Variants in ARHGEF28 observed in about 807,000 individuals in gnomAD.
ARHGEF28 encodes the protein Rho guanine nucleotide exchange factor 28.
In ARHGEF28, 152 loss-of-function variants were observed where a neutral mutation model predicts 206.6. That is an observed-to-expected ratio of 0.74 (90% CI 0.64 to 0.84). ARHGEF28 has a LOEUF of 0.84. Among genes scored for constraint, ARHGEF28 ranks in the 40% least tolerant of loss-of-function variants. The pLI is 0.00. For synonymous variants in ARHGEF28, 763 were observed against 776.4 expected, an observed-to-expected ratio of 0.98 and a Z score of 0.29; for missense variants, 2,028 against 2,073.2, an observed-to-expected ratio of 0.98 and a Z score of 0.42.
chr5:73,662,035 G>A (rs554816334), intron 1 of ARHGEF28, among the ~76,000 whole-genome samples: 1 of 152,288 alleles, frequency 6.6e-6, no homozygotes, highest in East Asian at 1.9e-4. Flanking sequence ...GCAGTAACTT[G>A]AAGCACAACA....
chr5:73,780,658 TTC>T lies in ARHGEF28; in HGVS notation c.841-17_841-16del, dbSNP rs1406356615. 6.5e-7 allele frequency: 1 copy of T among 1,547,290 alleles called. No individual in the cohort carries two copies. Among genetic ancestry groups the T allele is most frequent in the South Asian group, 1.2e-5 (1 of 83,776 alleles). Reference sequence around the variant, plus strand: ...TTTTCTGTGCTTTTTTGTTTTTTTTTTCCCCATTGTTTCCTAGGCCTTTGAGC... The same window carrying T: ...TTTTCTGTGCTTTTTTGTTTTTTTTTCCCATTGTTTCCTAGGCCTTTGAGC... On this transcript the variant is annotated splice_polypyrimidine_tract_variant and intron_variant, in intron 6 of 35. Transcript: ENST00000513042.
chr5:73,828,369 T>C (rs1289139217), intron 9 of ARHGEF28, among the ~76,000 whole-genome samples: 1 of 152,224 alleles, frequency 6.6e-6, no homozygotes, highest in Non-Finnish European at 1.5e-5. Context: ...TATGTATGCC[T>C]CAGAAAAATA....
intron 2 of ARHGEF28, among the ~76,000 whole-genome samples, chr5:73,694,043 C>T (rs1748022618): frequency 6.6e-6 from 1 of 152,202 alleles, no homozygotes; most frequent in South Asian, 2.1e-4. Context: ...GTAGTTCTGG[C>T]AGGAGCAGAG....
At position 73,703,763 on chromosome 5, in the gene ARHGEF28, C is replaced by T. The variant is rs1022581418; in HGVS notation, c.33+18879C>T. 6.6e-5 allele frequency among the ~76,000 whole-genome samples: 10 copies of T among 151,914 alleles called. 1 individual carries two copies. In the South Asian group the frequency reaches 1.7e-3, roughly 25 times the overall value. On this transcript the variant is annotated intron_variant, in intron 2 of 35. Coordinates refer to ENST00000513042, the MANE Select transcript of ARHGEF28 (RefSeq NM_001177693.2). ...GTATAGAAGATAATTTGTGACCAGGCGCAGTGGCTCATGCCTGTAATCCCA... is the reference window on the plus strand; with the variant it reads ...GTATAGAAGATAATTTGTGACCAGGTGCAGTGGCTCATGCCTGTAATCCCA...
chr5:73,881,087 T>C, intron 22 of ARHGEF28, among the ~76,000 whole-genome samples: 1 of 151,948 alleles, frequency 6.6e-6, no homozygotes, highest in East Asian at 1.9e-4. Flanking sequence ...TGCCATTCGT[T>C]GAAAAGGCTA....
At chr5:73,709,529 C>T (rs1749126133) in intron 2 of ARHGEF28, among the ~76,000 whole-genome samples, 1 of 152,164 alleles carries the variant, frequency 6.6e-6, no homozygotes, top group Non-Finnish European at 1.5e-5. Flanking sequence ...AGCAAGGGCC[C>T]TGAGCTTCTA....
chr5:73,922,553 TG>T (rs1763576060), intron 35 of ARHGEF28, among the ~76,000 whole-genome samples: 1 of 152,254 alleles, frequency 6.6e-6, no homozygotes, highest in Non-Finnish European at 1.5e-5. Flanking sequence ...TTAACTATGA[TG>T]GATTTTTTTT....
intron 11 of ARHGEF28, among the ~76,000 whole-genome samples, chr5:73,845,148 G>A (rs1314058468): frequency 1.3e-5 from 2 of 150,846 alleles, no homozygotes; most frequent in African/African-American, 2.4e-5. Flanking sequence ...ATCCCAAGTA[G>A]CTGGGATTAC....
intron 2 of ARHGEF28, among the ~76,000 whole-genome samples, chr5:73,708,299 C>G (rs1749053517): frequency 6.6e-6 from 1 of 151,918 alleles, no homozygotes; most frequent in Non-Finnish European, 1.5e-5. Context: ...ATCTCGCTAC[C>G]CAGACACTGA....
chr5:73,661,801 T>G (rs1745613848), intron 1 of ARHGEF28, among the ~76,000 whole-genome samples: 1 of 152,068 alleles, frequency 6.6e-6, no homozygotes, highest in African/African-American at 2.4e-5. Flanking sequence ...CCCAAAACAA[T>G]GACAATAACA....
chr5:73,643,752 C>T (rs532993162), intron 1 of ARHGEF28, among the ~76,000 whole-genome samples: 2 of 149,238 alleles, frequency 1.3e-5, no homozygotes, highest in Non-Finnish European at 2.9e-5. Flanking sequence ...GAGGCCAAGG[C>T]TGCAGTGAGC....
intron 22 of ARHGEF28, among the ~76,000 whole-genome samples, chr5:73,876,895 G>A (rs1428703048): frequency 6.8e-6 from 1 of 146,466 alleles, no homozygotes; most frequent in Non-Finnish European, 1.5e-5. Flanking sequence ...TTTTGGTTGT[G>A]TCTCTGCCAG....
intron 14 of ARHGEF28, among the ~76,000 whole-genome samples, chr5:73,853,594 G>A (rs1758837066): frequency 6.6e-6 from 1 of 152,096 alleles, no homozygotes; most frequent in South Asian, 2.1e-4. Context: ...TACAAAAGAG[G>A]AAGATTAAGA....
chr5:73,737,505 T>TTC, intron 2 of ARHGEF28, among the ~76,000 whole-genome samples: 1 of 129,146 alleles, frequency 7.7e-6, no homozygotes, highest in Non-Finnish European at 1.6e-5. Flanking sequence ...TTCTTTTCTT[T>TTC]TCTTTTCTTT....
intron 3 of ARHGEF28, among the ~76,000 whole-genome samples, chr5:73,751,399 G>T (rs1053703169): frequency 6.6e-6 from 1 of 152,144 alleles, no homozygotes; most frequent in African/African-American, 2.4e-5. Flanking sequence ...GACAGAGCGA[G>T]ACTCTGTCTC....
chr5:73,781,654 G>A (rs1025126684), intron 7 of ARHGEF28, among the ~76,000 whole-genome samples: 5 of 152,202 alleles, frequency 3.3e-5, no homozygotes, highest in African/African-American at 1.2e-4. Flanking sequence ...TCCTGATTTT[G>A]TGTTTTCAAA....
At chr5:73,902,297 G>T (rs988409922) in intron 31 of ARHGEF28, 1 of 152,124 alleles carries the variant, frequency 6.6e-6, no homozygotes, top group Admixed American at 6.5e-5. Flanking sequence ...TTCTTAAAAT[G>T]TTCCTGCTTT....
intron 2 of ARHGEF28, among the ~76,000 whole-genome samples, chr5:73,721,071 G>C (rs1749907297): frequency 6.6e-6 from 1 of 152,154 alleles, no homozygotes; most frequent in African/African-American, 2.4e-5. Context: ...TCTTTGTTTT[G>C]AGAATCTGAA....
chr5:73,833,380 AATTTC>A (rs1757421201), intron 10 of ARHGEF28, among the ~76,000 whole-genome samples: 1 of 152,144 alleles, frequency 6.6e-6, no homozygotes, highest in Admixed American at 6.6e-5. Context: ...TCTAGAGCTC[AATTTC>A]AGCCCTTCAG....
Sources: gnomAD v4.1 joint callset for allele counts (sites outside exome capture counted in the v4.1 genomes callset) on GRCh38, gnomAD v4.1.1 for gene constraint, MANE v1.5 for transcripts, NCBI Gene and HGNC (gene_info 2026-07-23, HGNC 2026-07-21) for gene names.